The following ROBO2 variants were observed in gnomAD, a reference collection of about 807,000 sequenced individuals.
ROBO2 encodes the protein roundabout guidance receptor 2, also known as roundabout homolog 2.
In ROBO2, 53 loss-of-function variants were observed where a neutral mutation model predicts 160.8. That is an observed-to-expected ratio of 0.33 (90% CI 0.26 to 0.41). The LOEUF is 0.41. Ranked by LOEUF, ROBO2 falls within the 10% of genes least tolerant of loss-of-function variation. The pLI is 1.00. For synonymous variants in ROBO2, 664 were observed against 611.7 expected, an observed-to-expected ratio of 1.09 and a Z score of -1.26; for missense variants, 1,577 against 1,722.4, an observed-to-expected ratio of 0.92 and a Z score of 1.49.
intron 2 of ROBO2, among the ~76,000 whole-genome samples, chr3:76,218,816 G>T (rs1005554461): frequency 1.2e-4 from 18 of 152,098 alleles, no homozygotes; most frequent in Non-Finnish European, 1.9e-4. Flanking sequence ...AAAACTACTT[G>T]AAAGTTCATA....
chr3:76,458,292 C>A (rs2077888912), intron 2 of ROBO2, among the ~76,000 whole-genome samples: 1 of 152,124 alleles, frequency 6.6e-6, no homozygotes, highest in Admixed American at 6.6e-5. Context: ...CTCTCAAGTT[C>A]CAAGTCCCAC....
chr3:76,650,908 A>C (rs2091226939), intron 2 of ROBO2, among the ~76,000 whole-genome samples: 1 of 152,222 alleles, frequency 6.6e-6, no homozygotes, highest in South Asian at 2.1e-4. Flanking sequence ...AAAAACATGC[A>C]CATTAACTTG....
chr3:77,040,161 C>A (rs959063483), exon 1 of ROBO2: 1 of 985,100 alleles, frequency 1.0e-6, no homozygotes. Flanking sequence ...TTTTGGAAAC[C>A]GGAGAGGTGG....
chr3:77,134,518 A>T (rs965168377), intron 2 of ROBO2, among the ~76,000 whole-genome samples: 1 of 152,300 alleles, frequency 6.6e-6, no homozygotes, highest in Non-Finnish European at 1.5e-5. Flanking sequence ...TTAACTTAGG[A>T]TTGGGTTTTT....
chr3:76,970,520 C>A (rs2059522507), intron 2 of ROBO2, among the ~76,000 whole-genome samples: 1 of 152,114 alleles, frequency 6.6e-6, no homozygotes, highest in African/African-American at 2.4e-5. Context: ...GGCTAGGTGA[C>A]AAGCATTTGC....
At chr3:75,917,998 GTGA>G (rs1280400553) in intron 1 of ROBO2, among the ~76,000 whole-genome samples, 3 of 151,954 alleles carry the variant, frequency 2.0e-5, no homozygotes, top group African/African-American at 7.3e-5. Flanking sequence ...GTTCACTCTG[GTGA>G]TAGTTTATTT....
In ROBO2 at chr3:77,206,076, C is replaced by A. The variant is rs537970294; in HGVS notation, c.388+107736C>A. 4.6e-5 allele frequency among the ~76,000 whole-genome samples: 7 copies of A among 152,218 alleles called. No individual in the cohort carries two copies. In the East Asian group the frequency reaches 7.7e-4, roughly 17 times the overall value. ...ATTCCTTGGTTGGGCTGCGTAACTC[C>A]GGTCTCTGCCTTCTCTTCACATGCT... is the stretch of plus-strand genomic sequence containing the variant. On this transcript the variant is annotated intron_variant, in intron 2 of 25. Coordinates refer to ENST00000461745, the Ensembl canonical transcript of ROBO2.
intron 2 of ROBO2, among the ~76,000 whole-genome samples, chr3:77,378,209 C>T (rs1439257247): frequency 1.3e-5 from 2 of 152,110 alleles, no homozygotes; most frequent in Non-Finnish European, 2.9e-5. Context: ...CTTATTGAAA[C>T]TCAATAGGTA....
intron 2 of ROBO2, among the ~76,000 whole-genome samples, chr3:77,393,829 G>A (rs1182424645): frequency 6.6e-6 from 1 of 151,626 alleles, no homozygotes; most frequent in East Asian, 1.9e-4. Flanking sequence ...AATGAAATCT[G>A]GAGTTCTTTT....
At chr3:77,026,440 C>T (rs950933050) in intron 2 of ROBO2, among the ~76,000 whole-genome samples, 1 of 152,154 alleles carries the variant, frequency 6.6e-6, no homozygotes, top group Admixed American at 6.5e-5. Flanking sequence ...CACATAAATA[C>T]AAGCATGATG....
chr3:76,847,932 ATATATT>A (rs1223120607), intron 2 of ROBO2, among the ~76,000 whole-genome samples: 1 of 152,030 alleles, frequency 6.6e-6, no homozygotes, highest in Non-Finnish European at 1.5e-5. Context: ...AGATGACGAG[ATATATT>A]TATAATTATT....
At chr3:77,645,591 C>T (rs1413189338) in intron 25 of ROBO2, among the ~76,000 whole-genome samples, 5 of 152,070 alleles carry the variant, frequency 3.3e-5, no homozygotes, top group African/African-American at 4.8e-5. Flanking sequence ...TTTTTAACTG[C>T]CTCATCAGAA....
intron 1 of ROBO2, among the ~76,000 whole-genome samples, chr3:77,083,733 C>G (rs767746085): frequency 6.6e-6 from 1 of 151,994 alleles, no homozygotes; most frequent in Non-Finnish European, 1.5e-5. Flanking sequence ...ACCCCACAAC[C>G]GGGATTCTGA....
intron 2 of ROBO2, among the ~76,000 whole-genome samples, chr3:76,207,107 A>G (rs1221023905): frequency 6.6e-6 from 1 of 152,208 alleles, no homozygotes; most frequent in Non-Finnish European, 1.5e-5. Flanking sequence ...CAGGAAATCA[A>G]CAGTATATTA....
intron 2 of ROBO2, among the ~76,000 whole-genome samples, chr3:76,844,029 T>A (rs1478311964): frequency 6.6e-6 from 1 of 152,000 alleles, no homozygotes; most frequent in East Asian, 1.9e-4. Flanking sequence ...TTTAGGTTAT[T>A]TTAGTGAATT....
intron 2 of ROBO2, among the ~76,000 whole-genome samples, chr3:76,263,605 A>G (rs1279619875): frequency 6.6e-6 from 1 of 152,128 alleles, no homozygotes; most frequent in Non-Finnish European, 1.5e-5. Context: ...AGGTTTCATG[A>G]TTTTGAACAA....
At chr3:77,550,849 C>T (rs2092893708) in exon 8 of ROBO2, 1 of 1,613,014 alleles carries the variant, frequency 6.2e-7, no homozygotes. Flanking sequence ...CCCCAGCAGC[C>T]CAACAGTAGA....
intron 2 of ROBO2, among the ~76,000 whole-genome samples, chr3:77,217,034 G>T (rs1176428406): frequency 6.6e-6 from 1 of 152,014 alleles, no homozygotes; most frequent in Non-Finnish European, 1.5e-5. Context: ...GCTTGTCAAG[G>T]GAAAATTAGA....
At chr3:76,184,633 G>A (rs1701660826) in intron 2 of ROBO2, among the ~76,000 whole-genome samples, 1 of 152,066 alleles carries the variant, frequency 6.6e-6, no homozygotes, top group Non-Finnish European at 1.5e-5. Flanking sequence ...CATGAGTTCT[G>A]GAGGCTGAGA....
Sources: gnomAD v4.1 joint callset for allele counts (sites outside exome capture counted in the v4.1 genomes callset) on GRCh38, gnomAD v4.1.1 for gene constraint, MANE v1.5 for transcripts, NCBI Gene and HGNC (gene_info 2026-07-23, HGNC 2026-07-21) for gene names.